MYCBP2: variants seen among roughly 807,000 people sequenced by gnomAD.
The protein encoded by MYCBP2 is MYC binding protein 2.
A neutral mutation model predicts 525.3 loss-of-function variants in MYCBP2; 120 were observed. That is an observed-to-expected ratio of 0.23 (90% confidence interval 0.20 to 0.27). MYCBP2 has a LOEUF of 0.27. Among genes scored for constraint, MYCBP2 ranks in the 10% least tolerant of loss-of-function variants. The probability of loss-of-function intolerance (pLI) is 1.00; values close to 1 mark genes in which losing one functional copy is unlikely to be tolerated. For synonymous variants in MYCBP2, 1,894 were observed against 1,955.8 expected, an observed-to-expected ratio of 0.97 and a Z score of 0.83; for missense variants, 4,149 against 5,657.1, an observed-to-expected ratio of 0.73 and a Z score of 8.55.
intron 48 of MYCBP2, among the ~76,000 whole-genome samples, chr13:77,145,874 T>C (rs938945748): frequency 6.6e-6 from 1 of 151,678 alleles, no homozygotes; most frequent in Non-Finnish European, 1.5e-5. Flanking sequence ...AACAAACTAA[T>C]CAACCCTAAA....
At chr13:77,084,025 C>T (rs1479452258) in intron 62 of MYCBP2, among the ~76,000 whole-genome samples, 1 of 152,074 alleles carries the variant, frequency 6.6e-6, no homozygotes, top group Non-Finnish European at 1.5e-5. Context: ...TATATTATCC[C>T]ACTGCATAGT....
intron 65 of MYCBP2, among the ~76,000 whole-genome samples, chr13:77,079,407 A>C (rs1460772688): frequency 6.6e-6 from 1 of 152,234 alleles, no homozygotes; most frequent in Non-Finnish European, 1.5e-5. Context: ...AATAAATGTC[A>C]AACAGTACAA....
At chr13:77,226,847 T>G (rs1400609566) in intron 18 of MYCBP2, among the ~76,000 whole-genome samples, 2 of 152,152 alleles carry the variant, frequency 1.3e-5, no homozygotes, top group Admixed American at 1.3e-4. Context: ...CAGGTAGGCC[T>G]GTGTGGCTTA....
Position 77,078,859 on chromosome 13 carries a change from C to A in MYCBP2, c.11449G>T (p.Gly3817Cys), listed in dbSNP as rs946504177. The A allele has an allele frequency of 6.2e-7, 1 of 1,613,602 alleles. No homozygotes were observed. Among genetic ancestry groups the A allele is most frequent in the Non-Finnish European group, 8.5e-7 (1 of 1,179,666 alleles). ...CTGCACAAATCTTCTACTGCTTTGCCAGTTAAGAAGGTCATTGAGGTAACT... is the reference window on the plus strand; with the variant it reads ...CTGCACAAATCTTCTACTGCTTTGCAAGTTAAGAAGGTCATTGAGGTAACT... ...NKVTSMTFLT[G>C]KAVEDLCRIK... The change falls in exon 66 of 83, where the codon GGC (glycine) becomes TGC (cysteine). Residue 3817 changes from glycine (G) to cysteine (C), a missense_variant. Transcript: ENST00000544440.
intron 55 of MYCBP2, among the ~76,000 whole-genome samples, chr13:77,113,255 T>C (rs1333502447): frequency 6.6e-6 from 1 of 152,184 alleles, no homozygotes; most frequent in African/African-American, 2.4e-5. Context: ...TGAATGTTTC[T>C]CTAACCTCTC....
At chr13:77,146,315 C>G (rs1663396765) in intron 47 of MYCBP2, 98 bp from the exon 48 acceptor site, 1 of 713,150 alleles carries the variant, frequency 1.4e-6, no homozygotes, top group African/African-American at 1.9e-5. Context: ...TGTGAGACAA[C>G]TGGTTATACA....
chr13:77,057,328 A>G (rs1025798733), intron 78 of MYCBP2, among the ~76,000 whole-genome samples: 4 of 152,202 alleles, frequency 2.6e-5, no homozygotes, highest in African/African-American at 9.6e-5. Context: ...GCTTTTTAAC[A>G]TTCATGCCAC....
chr13:77,198,099 T>C (rs1440307425), intron 26 of MYCBP2, among the ~76,000 whole-genome samples: 2 of 152,172 alleles, frequency 1.3e-5, no homozygotes, highest in Non-Finnish European at 1.5e-5. Flanking sequence ...ACATAACACA[T>C]TGAGGTTGCT....
At chr13:77,141,450 G>A (rs907535976) in intron 49 of MYCBP2, among the ~76,000 whole-genome samples, 3 of 151,940 alleles carry the variant, frequency 2.0e-5, no homozygotes, top group Admixed American at 1.3e-4. Context: ...CTAACTCACC[G>A]AGCTGTTGTA....
chr13:77,311,579 GT>G (rs1318098996), intron 1 of MYCBP2, among the ~76,000 whole-genome samples: 19 of 100,464 alleles, frequency 1.9e-4, no homozygotes, highest in East Asian at 3.2e-4. Flanking sequence ...TTTTTTTTTT[GT>G]TTTTTTTTTA....
At chr13:77,060,504 C>A (rs1314150956) in intron 76 of MYCBP2, among the ~76,000 whole-genome samples, 1 of 152,166 alleles carries the variant, frequency 6.6e-6, no homozygotes, top group Admixed American at 6.5e-5. Flanking sequence ...TGGCAGACTG[C>A]AGATGTGCTG....
Position 77,244,005 on chromosome 13 carries a change from G to A in MYCBP2, c.2382-54C>T, listed in dbSNP as rs868461533. ...AAGACAACTGAGATATTCCTAATTT[G>A]TCTTTAAAACTCTTTTCTATAACTT... On this transcript the variant is annotated intron_variant, in intron 15 of 82. Transcript: ENST00000544440. 17 of 1,437,532 alleles carry A rather than the reference G, an allele frequency of 1.2e-5. No individual in the cohort carries two copies. The Middle Eastern group carries it at 3.1e-3, about 266-fold the overall frequency. 89.0% of individuals were successfully genotyped at this position (1,437,532 alleles called of 1,614,324 possible).
intron 55 of MYCBP2, among the ~76,000 whole-genome samples, chr13:77,102,525 A>G (rs555067970): frequency 6.6e-4 from 100 of 151,538 alleles, no homozygotes; most frequent in Non-Finnish European, 1.0e-3. Flanking sequence ...ACTTTAAGAC[A>G]AAATATTTAA....
intron 3 of MYCBP2, among the ~76,000 whole-genome samples, chr13:77,285,826 A>G (rs1025418066): frequency 1.3e-5 from 2 of 150,800 alleles, no homozygotes; most frequent in African/African-American, 4.9e-5. Context: ...AAAAGGGAAA[A>G]GGAAAGGGAA....
chr13:77,095,752 T>C (rs1345032944), intron 57 of MYCBP2, 150 bp from the exon 58 acceptor site: 4 of 996,694 alleles, frequency 4.0e-6, no homozygotes, highest in African/African-American at 1.6e-5. Flanking sequence ...AACATTCATT[T>C]CATATTCATC....
intron 47 of MYCBP2, among the ~76,000 whole-genome samples, chr13:77,149,523 A>T (rs1311358197): frequency 6.6e-6 from 1 of 152,122 alleles, no homozygotes; most frequent in African/African-American, 2.4e-5. Context: ...ATCTATTCCC[A>T]TGACTTCATA....
chr13:77,280,470 T>C, intron 3 of MYCBP2, among the ~76,000 whole-genome samples: 1 of 152,250 alleles, frequency 6.6e-6, no homozygotes, highest in East Asian at 1.9e-4. Flanking sequence ...TGGGGCTCTA[T>C]TCTCAAGCCA....
At chr13:77,176,803 G>T (rs2059751224) in intron 35 of MYCBP2, among the ~76,000 whole-genome samples, 175 bp from the exon 36 acceptor site, 1 of 152,088 alleles carries the variant, frequency 6.6e-6, no homozygotes. Flanking sequence ...ACATTTTTAT[G>T]TGATTTCTTG....
intron 41 of MYCBP2, among the ~76,000 whole-genome samples, chr13:77,165,665 C>CA (rs2058446607): frequency 6.6e-6 from 1 of 152,152 alleles, no homozygotes; most frequent in Non-Finnish European, 1.5e-5. Context: ...ACTTCAGTTA[C>CA]ATGGGCAATC....
Sources: gnomAD v4.1 joint callset for allele counts (sites outside exome capture counted in the v4.1 genomes callset) on GRCh38, gnomAD v4.1.1 for gene constraint, MANE v1.5 for transcripts, NCBI Gene and HGNC (gene_info 2026-07-23, HGNC 2026-07-21) for gene names.